The following CNGA1 variants were observed in gnomAD, a reference collection of about 807,000 sequenced individuals.
CNGA1 encodes cyclic nucleotide gated channel subunit alpha 1.
CNGA1 carries 53 observed loss-of-function variants against 69.7 expected under a neutral mutation model. That is an observed-to-expected ratio of 0.76 (90% CI 0.61 to 0.96). CNGA1 has a LOEUF of 0.96. Ranked by LOEUF, CNGA1 falls within the 40% of genes least tolerant of loss-of-function variation. The pLI, the probability that CNGA1 is intolerant of heterozygous loss-of-function variation, is 0.00. For synonymous variants in CNGA1, 249 were observed against 283.5 expected (o/e 0.88, Z 1.22); for missense variants, 739 against 811.2 (o/e 0.91, Z 1.08).
intron 2 of CNGA1, among the ~76,000 whole-genome samples, chr4:47,994,486 G>A (rs992604430): frequency 5.3e-5 from 8 of 151,874 alleles, no homozygotes; most frequent in African/African-American, 1.9e-4. Context: ...TCTGATGTAA[G>A]AATCCTGCCT....
At chr4:47,952,268 T>C (rs1240300577) in intron 4 of CNGA1, among the ~76,000 whole-genome samples, 4 of 152,052 alleles carry the variant, frequency 2.6e-5, no homozygotes, top group Non-Finnish European at 5.9e-5. Flanking sequence ...CCTGGGAGGC[T>C]GAGGCAAGAG....
At chr4:47,977,071 A>C (rs1027785798) in intron 3 of CNGA1, among the ~76,000 whole-genome samples, 10 of 152,238 alleles carry the variant, frequency 6.6e-5, no homozygotes, top group African/African-American at 2.4e-4. Context: ...TAAAGAATGA[A>C]GAAAAGAGTA....
intron 2 of CNGA1, among the ~76,000 whole-genome samples, chr4:47,993,767 T>C (rs548501052): frequency 6.6e-6 from 1 of 152,190 alleles, no homozygotes; most frequent in Admixed American, 6.5e-5. Context: ...CCTTGAGGTG[T>C]GACCTTAGAT....
chr4:48,016,361 A>AT (rs1243521945), intron 1 of CNGA1, 122 bp downstream of exon 1: 1 of 166,112 alleles, frequency 6.0e-6, no homozygotes, highest in African/African-American at 2.4e-5. Flanking sequence ...GTGCAAAGCA[A>AT]CTAACACCTG....
At position 47,936,326 on chromosome 4, in the gene CNGA1, C is replaced by A; in HGVS notation, c.*95G>T. ...TTTTCCTCATGGAAAAATTTCCCAA[C>A]TGAGTCTTCCTCTTCTTTTAAATTT... On this transcript the variant is annotated 3_prime_UTR_variant, in exon 11 of 11. Coordinates refer to ENST00000514170, the MANE Select transcript of CNGA1 (RefSeq NM_001379270.1). The A allele has an allele frequency of 7.1e-7, 1 of 1,417,984 alleles. No individual in the cohort carries two copies. The highest frequency in any genetic ancestry group is 9.9e-7 in the Non-Finnish European group (1 of 1,013,082). 87.8% of individuals were successfully genotyped at this position (1,417,984 alleles called of 1,614,324 possible). A position where few individuals can be genotyped will look rare whatever the true frequency, so the allele number is the denominator to read the frequency against.
chr4:47,984,647 A>AAT (rs1553868840), intron 2 of CNGA1, among the ~76,000 whole-genome samples: 102 of 64,488 alleles, frequency 1.6e-3, no homozygotes, highest in African/African-American at 2.4e-3. Flanking sequence ...AAATAAAAAA[A>AAT]ATATATATAT....
intron 4 of CNGA1, 90 bp downstream of exon 4, chr4:47,952,493 C>G (rs1376880604): frequency 7.0e-7 from 1 of 1,428,176 alleles, no homozygotes; most frequent in South Asian, 1.2e-5. Flanking sequence ...TTCAAGGTTA[C>G]AAATTATAAA....
intron 2 of CNGA1, among the ~76,000 whole-genome samples, chr4:47,987,846 G>A (rs1445081020): frequency 6.6e-6 from 1 of 152,158 alleles, no homozygotes; most frequent in Non-Finnish European, 1.5e-5. Flanking sequence ...CACTTCCAAG[G>A]GAAGAGTTTG....
rs139922887 is a variant in CNGA1, at chr4:48,000,535, A to G, written c.-123+10259T>C. Reference sequence around the variant, plus strand: ...CAGGCATGTGCCACCACCCCAGCTAATTTTGTATTTTTAGTAGATACGGGG... The same window carrying G: ...CAGGCATGTGCCACCACCCCAGCTAGTTTTGTATTTTTAGTAGATACGGGG... On this transcript the variant is annotated intron_variant, in intron 2 of 10. Coordinates refer to ENST00000514170, the MANE Select transcript of CNGA1 (RefSeq NM_001379270.1). Among the ~76,000 whole-genome samples the G allele has an allele frequency of 7.3e-3, 1,104 of 152,174 alleles. 9 individuals carry two copies. Among genetic ancestry groups the G allele is most frequent in the African/African-American group, 0.025 (1,041 of 41,526 alleles).
intron 3 of CNGA1, among the ~76,000 whole-genome samples, chr4:47,957,338 A>G (rs2110170613): frequency 6.6e-6 from 1 of 152,296 alleles, no homozygotes; most frequent in South Asian, 2.1e-4. Context: ...TCACACACTG[A>G]GCATGGTGGC....
intron 3 of CNGA1, among the ~76,000 whole-genome samples, chr4:47,973,186 G>A (rs999853133): frequency 1.3e-5 from 2 of 149,378 alleles, no homozygotes; most frequent in Non-Finnish European, 2.9e-5. Flanking sequence ...TCCCACCTCA[G>A]CCTCCCAAGT....
intron 3 of CNGA1, among the ~76,000 whole-genome samples, chr4:47,976,302 CATATATATATACATATATATGTATAT>C (rs1253248598): frequency 6.5e-5 from 2 of 30,642 alleles, no homozygotes; most frequent in African/African-American, 2.2e-4. Context: ...TATACACATA[CATATATATATACATATATATGTATAT>C]ATATATATAC....
chr4:47,973,212 C>T (rs2110201154), intron 3 of CNGA1, among the ~76,000 whole-genome samples: 1 of 150,616 alleles, frequency 6.6e-6, no homozygotes, highest in South Asian at 2.1e-4. Context: ...GGATTAAAGG[C>T]ACCCACCATC....
At chr4:47,950,070 C>T (rs2110155137) in intron 5 of CNGA1, among the ~76,000 whole-genome samples, 175 bp from the exon 6 acceptor site, 1 of 152,266 alleles carries the variant, frequency 6.6e-6, no homozygotes, top group South Asian at 2.1e-4. Flanking sequence ...AAAAGTATAT[C>T]CTGAGCCTCC....
intron 10 of CNGA1, among the ~76,000 whole-genome samples, chr4:47,938,959 G>GGAAA (rs372773883): frequency 9.1e-5 from 13 of 142,966 alleles, no homozygotes; most frequent in South Asian, 6.7e-4. Context: ...AGGGAGGGAG[G>GGAAA]GAAAGAAAGA....
chr4:47,982,415 C>G (rs1403765619), intron 2 of CNGA1, among the ~76,000 whole-genome samples: 2 of 152,200 alleles, frequency 1.3e-5, no homozygotes, highest in East Asian at 1.9e-4. Context: ...CTCAAGATGC[C>G]TAGCAGAGAA....
intron 2 of CNGA1, among the ~76,000 whole-genome samples, chr4:48,003,603 G>C (rs1412723997): frequency 6.6e-6 from 1 of 152,158 alleles, no homozygotes. Context: ...TTAATCATTA[G>C]TTTGTAGCAA....
In CNGA1 at chr4:47,936,034, T is replaced by C. The variant is rs1738617521; in HGVS notation, c.*387A>G. On this transcript the variant is annotated 3_prime_UTR_variant, in exon 11 of 11. Coordinates refer to ENST00000514170, the MANE Select transcript of CNGA1 (RefSeq NM_001379270.1). Reference sequence around the variant, plus strand: ...ATTTTTAAAAATGTTATCCCAAATATGATGTACATGGTAATTCTCAGTTAC... The same window carrying C: ...ATTTTTAAAAATGTTATCCCAAATACGATGTACATGGTAATTCTCAGTTAC... 1 of 196,762 alleles carries C rather than the reference T, an allele frequency of 5.1e-6. No homozygotes were observed. The highest frequency in any genetic ancestry group is 5.4e-5 in the Admixed American group (1 of 18,570). The allele number at this position is 196,762 out of a possible 1,614,324, so 12.2% of individuals were successfully genotyped here.
At chr4:48,012,204 T>C (rs1350750776) in intron 1 of CNGA1, among the ~76,000 whole-genome samples, 4 of 152,218 alleles carry the variant, frequency 2.6e-5, no homozygotes, top group Admixed American at 6.5e-5. Context: ...TTATGATTTG[T>C]AGGGCATGAC....
Sources: gnomAD v4.1 joint callset for allele counts (sites outside exome capture counted in the v4.1 genomes callset) on GRCh38, gnomAD v4.1.1 for gene constraint, MANE v1.5 for transcripts, NCBI Gene and HGNC (gene_info 2026-07-23, HGNC 2026-07-21) for gene names.